The following NUBPL variants were observed in gnomAD, a reference collection of about 807,000 sequenced individuals.
The protein encoded by NUBPL is iron-sulfur cluster transfer protein NUBPL.
A neutral mutation model predicts 45.7 loss-of-function variants in NUBPL; 31 were observed. That is an observed-to-expected ratio of 0.68 (90% confidence interval 0.51 to 0.92). The LOEUF (loss-of-function observed/expected upper bound fraction) is 0.92. Among genes scored for constraint, NUBPL ranks in the 40% least tolerant of loss-of-function variants. The pLI, the probability that NUBPL is intolerant of heterozygous loss-of-function variation, is 0.00. For missense variants in NUBPL, 401 were observed against 398.7 expected (o/e 1.01, Z -0.05); for synonymous variants, 144 against 140.9 (o/e 1.02, Z -0.15).
chr14:31,648,462 A>G (rs1475633568), intron 4 of NUBPL, among the ~76,000 whole-genome samples: 2 of 152,156 alleles, frequency 1.3e-5, no homozygotes, highest in South Asian at 2.1e-4. Context: ...CATACTACCT[A>G]TGTTTATGAT....
At chr14:31,761,749 T>A (rs999150230) in intron 6 of NUBPL, among the ~76,000 whole-genome samples, 9 of 152,218 alleles carry the variant, frequency 5.9e-5, no homozygotes, top group African/African-American at 1.9e-4. Context: ...TTAATCATTA[T>A]CTTATTAAGC....
intron 7 of NUBPL, among the ~76,000 whole-genome samples, chr14:31,802,010 C>A (rs1362358001): frequency 6.6e-6 from 1 of 152,148 alleles, no homozygotes; most frequent in Non-Finnish European, 1.5e-5. Context: ...TTGACTGTGT[C>A]CCACAAAAGT....
rs35050489 is a variant in NUBPL at position 31,802,467 on chromosome 14, C to G, written c.607+14594C>G. Reference sequence around the variant, plus strand: ...ATTTTTTTGTATTTTTAGTAGAGACCGGGTTTCACCATGTTGGCCAGGATG... The same window carrying G: ...ATTTTTTTGTATTTTTAGTAGAGACGGGGTTTCACCATGTTGGCCAGGATG... On this transcript the variant is annotated intron_variant, in intron 7 of 10. Transcript: ENST00000281081. 1.9e-3 allele frequency among the ~76,000 whole-genome samples: 283 copies of G among 152,042 alleles called. 2 individuals carry two copies. Among genetic ancestry groups the G allele is most frequent in the African/African-American group, 6.5e-3 (268 of 41,450 alleles).
chr14:31,743,205 C>T (rs1031392243), intron 6 of NUBPL, among the ~76,000 whole-genome samples: 5 of 152,144 alleles, frequency 3.3e-5, no homozygotes, highest in African/African-American at 1.2e-4. Context: ...AAATGTCTTT[C>T]ATACCTTCAT....
At chr14:31,699,713 G>A (rs4981113) in intron 6 of NUBPL, among the ~76,000 whole-genome samples, 55,821 of 152,086 alleles carry the variant, frequency 0.37, 12,593 homozygotes, top group East Asian at 0.6. Context: ...TATTTTATAC[G>A]TTGTATTTTA....
At chr14:31,733,437 C>T (rs1374594799) in intron 6 of NUBPL, among the ~76,000 whole-genome samples, 1 of 152,128 alleles carries the variant, frequency 6.6e-6, no homozygotes, top group Non-Finnish European at 1.5e-5. Context: ...AGAGAATTGC[C>T]ATCCTAACAG....
rs74040889 is a variant in NUBPL, at chr14:31,684,282, G to A, written c.513+10708G>A. On this transcript the variant is annotated intron_variant, in intron 6 of 10. Transcript: ENST00000281081. ...AGGAAACCTAGTGTCATGTACATGG[G>A]TTTTGTAATTATTTTATTTTGTCTG... 3.1e-3 allele frequency among the ~76,000 whole-genome samples: 470 copies of A among 152,162 alleles called. 2 individuals carry two copies. Among genetic ancestry groups the A allele is most frequent in the African/African-American group, 0.011 (437 of 41,506 alleles).
At chr14:31,566,552 A>G (rs964743144) in intron 3 of NUBPL, among the ~76,000 whole-genome samples, 1 of 151,932 alleles carries the variant, frequency 6.6e-6, no homozygotes, top group Non-Finnish European at 1.5e-5. Context: ...GTTTTTCTGA[A>G]GGACACCCTT....
intron 7 of NUBPL, among the ~76,000 whole-genome samples, chr14:31,815,669 G>A (rs1428472156): frequency 3.3e-5 from 5 of 152,026 alleles, no homozygotes; most frequent in Non-Finnish European, 7.4e-5. Context: ...ACTGGCTGTC[G>A]GTTTGTGATA....
intron 6 of NUBPL, among the ~76,000 whole-genome samples, chr14:31,729,106 C>A (rs1156706122): frequency 2.6e-5 from 4 of 152,160 alleles, no homozygotes; most frequent in Non-Finnish European, 5.9e-5. Flanking sequence ...CATGGAGAAA[C>A]CCCTTCTCTA....
At chr14:31,580,103 A>G (rs1008036158) in intron 3 of NUBPL, among the ~76,000 whole-genome samples, 2 of 152,190 alleles carry the variant, frequency 1.3e-5, no homozygotes, top group Admixed American at 1.3e-4. Flanking sequence ...CAAGGATATA[A>G]TACTCAGTGC....
At chr14:31,706,435 G>T (rs932596788) in intron 6 of NUBPL, among the ~76,000 whole-genome samples, 3 of 152,172 alleles carry the variant, frequency 2.0e-5, no homozygotes, top group African/African-American at 7.2e-5. Flanking sequence ...AAAATACAGG[G>T]TCCAAAGGTG....
chr14:31,646,637 C>T (rs2035861312), intron 4 of NUBPL, among the ~76,000 whole-genome samples: 1 of 151,836 alleles, frequency 6.6e-6, no homozygotes, highest in Non-Finnish European at 1.5e-5. Context: ...CTTTTAGTAT[C>T]CTTTCTTTGT....
At chr14:31,714,277 T>C (rs2037638915) in intron 6 of NUBPL, among the ~76,000 whole-genome samples, 1 of 152,124 alleles carries the variant, frequency 6.6e-6, no homozygotes, top group African/African-American at 2.4e-5. Context: ...AACAAGAAGA[T>C]AGAAAGACCA....
intron 7 of NUBPL, among the ~76,000 whole-genome samples, chr14:31,809,306 G>GT (rs1427005235): frequency 1.3e-5 from 2 of 152,118 alleles, no homozygotes; most frequent in East Asian, 3.9e-4. Flanking sequence ...CCTGTTACTC[G>GT]CTATTCAGAG....
At chr14:31,693,874 G>C (rs79109960) in intron 6 of NUBPL, among the ~76,000 whole-genome samples, 1 of 38,916 alleles carries the variant, frequency 2.6e-5, no homozygotes, top group South Asian at 6.2e-4. Flanking sequence ...TTTTTTTTTT[G>C]AGACGGAGTC....
chr14:31,569,187 T>G (rs1467567063), intron 3 of NUBPL, among the ~76,000 whole-genome samples: 1 of 151,520 alleles, frequency 6.6e-6, no homozygotes, highest in Non-Finnish European at 1.5e-5. Flanking sequence ...GTAGATTGAG[T>G]TTTTTTTGTT....
intron 6 of NUBPL, among the ~76,000 whole-genome samples, chr14:31,701,539 T>C (rs1438984036): frequency 6.6e-6 from 1 of 152,246 alleles, no homozygotes; most frequent in African/African-American, 2.4e-5. Flanking sequence ...TGCTGTTCAC[T>C]CTTTGGGTCC....
At chr14:31,741,066 A>G (rs2038273253) in intron 6 of NUBPL, among the ~76,000 whole-genome samples, 2 of 152,216 alleles carry the variant, frequency 1.3e-5, no homozygotes, top group Non-Finnish European at 2.9e-5. Flanking sequence ...GTTTAAAAAA[A>G]TGTCTGGTCT....
Sources: allele counts gnomAD v4.1 joint callset (sites outside exome capture counted in the v4.1 genomes callset), GRCh38; gene constraint gnomAD v4.1.1; transcripts MANE v1.5; gene names NCBI Gene and HGNC (gene_info 2026-07-23, HGNC 2026-07-21).